CNTNAP2: variants seen among roughly 807,000 people sequenced by gnomAD.
CNTNAP2 encodes contactin-associated protein-like 2.
Under a neutral mutation model 155.2 loss-of-function variants are expected in CNTNAP2, and 98 were observed. The observed-to-expected ratio is 0.63, with a 90% CI of 0.54 to 0.75. CNTNAP2 has a LOEUF of 0.75. Ranked by LOEUF, CNTNAP2 falls within the 30% of genes least tolerant of loss-of-function variation. The pLI is 0.00. For synonymous variants in CNTNAP2, 651 were observed against 631.2 expected (o/e 1.03, Z -0.47); for missense variants, 1,727 against 1,688.1 (o/e 1.02, Z -0.40).
At chr7:147,785,135 A>G (rs991061369) in intron 13 of CNTNAP2, among the ~76,000 whole-genome samples, 4 of 152,308 alleles carry the variant, frequency 2.6e-5, no homozygotes, top group Admixed American at 6.5e-5. Flanking sequence ...TTGATGAGAC[A>G]TAAATTTTGA....
chr7:146,691,893 A>G (rs1349217525), intron 1 of CNTNAP2, among the ~76,000 whole-genome samples: 1 of 152,172 alleles, frequency 6.6e-6, no homozygotes, highest in Non-Finnish European at 1.5e-5. Flanking sequence ...AACAATGGAA[A>G]CATGGCTTTT....
intron 1 of CNTNAP2, among the ~76,000 whole-genome samples, chr7:146,238,606 G>A (rs1439626353): frequency 1.3e-5 from 2 of 152,116 alleles, no homozygotes; most frequent in South Asian, 2.1e-4. Flanking sequence ...AAAAAGTATG[G>A]TCATAACAGA....
At chr7:147,284,034 C>T (rs1805116917) in intron 8 of CNTNAP2, among the ~76,000 whole-genome samples, 1 of 151,362 alleles carries the variant, frequency 6.6e-6, no homozygotes, top group African/African-American at 2.4e-5. Context: ...TCTCTTTCAT[C>T]TCTGTAGGTG....
intron 1 of CNTNAP2, among the ~76,000 whole-genome samples, chr7:146,684,704 G>A (rs1014633632): frequency 6.9e-6 from 1 of 145,384 alleles, no homozygotes; most frequent in Non-Finnish European, 1.5e-5. Context: ...GTGACCTGGT[G>A]CAATTACTAT....
At chr7:146,971,550 T>C (rs1797799138) in intron 3 of CNTNAP2, among the ~76,000 whole-genome samples, 1 of 152,154 alleles carries the variant, frequency 6.6e-6, no homozygotes, top group Admixed American at 6.5e-5. Flanking sequence ...TGTCTCACAG[T>C]TCTGGAAGCT....
chr7:146,418,261 A>T (rs1795964358), intron 1 of CNTNAP2, among the ~76,000 whole-genome samples: 1 of 152,212 alleles, frequency 6.6e-6, no homozygotes, highest in Admixed American at 6.6e-5. Flanking sequence ...TCTGACTTGC[A>T]TAACTCTGTT....
At chr7:146,754,554 G>GTCTCTC (rs143802449) in intron 1 of CNTNAP2, among the ~76,000 whole-genome samples, 18,909 of 144,822 alleles carry the variant, frequency 0.13, 1,306 homozygotes, top group East Asian at 0.26. Context: ...CTCTCTCTCT[G>GTCTCTC]TCTCTCTCTC....
chr7:147,341,940 AG>A (rs1795772041), intron 9 of CNTNAP2, among the ~76,000 whole-genome samples: 1 of 152,212 alleles, frequency 6.6e-6, no homozygotes, highest in Non-Finnish European at 1.5e-5. Flanking sequence ...ATAGACCATG[AG>A]GCTTAAACAT....
chr7:146,751,067 A>C (rs2129182505), intron 1 of CNTNAP2, among the ~76,000 whole-genome samples: 1 of 152,284 alleles, frequency 6.6e-6, no homozygotes, highest in East Asian at 1.9e-4. Context: ...ATAATAATAA[A>C]ATGGTGTTTG....
chr7:147,144,910 T>TA (rs1231273291), intron 8 of CNTNAP2, among the ~76,000 whole-genome samples: 3 of 152,176 alleles, frequency 2.0e-5, no homozygotes, highest in African/African-American at 4.8e-5. Context: ...GCATGCTTTT[T>TA]AAAAAATCCT....
intron 1 of CNTNAP2, among the ~76,000 whole-genome samples, chr7:146,416,670 T>C (rs1349433631): frequency 6.6e-6 from 1 of 152,144 alleles, no homozygotes; most frequent in African/African-American, 2.4e-5. Context: ...CAAAAGGACT[T>C]CTTGGAGCTC....
At chr7:148,357,043 TACTTTGCTGTTACCCCATG>T (rs1798531095) in intron 21 of CNTNAP2, among the ~76,000 whole-genome samples, 1 of 152,134 alleles carries the variant, frequency 6.6e-6, no homozygotes, top group Admixed American at 6.5e-5. Flanking sequence ...CCATCCCTAG[TACTTTGCTGTTACCCCATG>T]ATATGGTTTG....
intron 1 of CNTNAP2, among the ~76,000 whole-genome samples, chr7:146,473,990 T>A (rs2129127131): frequency 6.6e-6 from 1 of 152,304 alleles, no homozygotes; most frequent in South Asian, 2.1e-4. Context: ...CTGACCTAGC[T>A]AACTGGGTGG....
intron 15 of CNTNAP2, among the ~76,000 whole-genome samples, chr7:147,986,873 T>G (rs1383698663): frequency 2.0e-5 from 3 of 147,446 alleles, no homozygotes; most frequent in South Asian, 4.3e-4. Flanking sequence ...TGTTTTTTGT[T>G]TGTGTGTGTG....
At chr7:147,176,718 A>T (rs1802348145) in intron 8 of CNTNAP2, among the ~76,000 whole-genome samples, 2 of 129,764 alleles carry the variant, frequency 1.5e-5, no homozygotes, top group African/African-American at 5.7e-5. Flanking sequence ...TAATAGAATT[A>T]TATATTATAT....
At chr7:148,104,978 C>T (rs1015030820) in intron 15 of CNTNAP2, among the ~76,000 whole-genome samples, 1 of 152,044 alleles carries the variant, frequency 6.6e-6, no homozygotes, top group Non-Finnish European at 1.5e-5. Flanking sequence ...TTAAAAAAAA[C>T]ACACTATTTT....
chr7:148,358,733 G>A (rs1221980242), intron 21 of CNTNAP2, among the ~76,000 whole-genome samples: 2 of 152,206 alleles, frequency 1.3e-5, no homozygotes, highest in Non-Finnish European at 2.9e-5. Flanking sequence ...AGTAACAGAA[G>A]GGTTAAAGTA....
intron 1 of CNTNAP2, among the ~76,000 whole-genome samples, chr7:146,637,923 C>G (rs763098103): frequency 3.9e-5 from 6 of 152,108 alleles, no homozygotes; most frequent in Non-Finnish European, 7.4e-5. Flanking sequence ...TTGATTTGTA[C>G]AAATTTGTAT....
intron 9 of CNTNAP2, among the ~76,000 whole-genome samples, chr7:147,316,205 C>G (rs1443643472): frequency 1.3e-5 from 2 of 151,984 alleles, no homozygotes; most frequent in Admixed American, 6.6e-5. Flanking sequence ...GATCTCAATG[C>G]TTGTCATTCT....
Sources: allele counts gnomAD v4.1 joint callset (sites outside exome capture counted in the v4.1 genomes callset), GRCh38; gene constraint gnomAD v4.1.1; transcripts MANE v1.5; gene names NCBI Gene and HGNC (gene_info 2026-07-23, HGNC 2026-07-21).